Variants in CCNI observed in about 807,000 individuals in gnomAD.
CCNI encodes the protein cyclin I, also known as cyclin-I.
CCNI carries 14 observed loss-of-function variants against 34.1 expected under a neutral mutation model. The ratio of observed to expected loss-of-function variants is 0.41; its 90% CI spans 0.27 to 0.64. CCNI has a LOEUF of 0.64. CCNI is among the 30% of genes least tolerant of loss of function. CCNI has a pLI of 0.31. For missense variants in CCNI, 385 were observed against 440.5 expected (o/e 0.87, Z 1.13); for synonymous variants, 154 against 158.4 (o/e 0.97, Z 0.21).
Position 77,075,459 on chromosome 4 carries a change from C to CCCCGCT in CCNI, c.-44+12_-44+13insAGCGGG, listed in dbSNP as rs1578264149. The CCCCGCT allele has an allele frequency of 1.4e-6, 1 of 693,636 alleles. No homozygotes were observed. The highest frequency in any genetic ancestry group is 2.0e-5 in the African/African-American group (1 of 50,786). The allele number at this position is 693,636 out of a possible 1,614,324, so 43.0% of individuals were successfully genotyped here. On this transcript the variant is annotated intron_variant, in intron 1 of 6. Coordinates refer to ENST00000237654, the MANE Select transcript of CCNI (RefSeq NM_006835.3). The stretch of plus-strand genomic sequence containing the variant: ...AGACGCGTCGAGCCCCCGCCCCCGC[C>CCCCGCT]CCCGCCCCTCACCTTCTCCTCCTCT...
In CCNI at chr4:77,058,500, C is replaced by T. The variant is rs1488787436; in HGVS notation, c.243+7G>A. 1 of 1,609,194 alleles carries T rather than the reference C, an allele frequency of 6.2e-7. No individual in the cohort carries two copies. Among genetic ancestry groups the T allele is most frequent in the South Asian group, 1.1e-5 (1 of 90,658 alleles). On this transcript the variant is annotated splice_region_variant and intron_variant, in intron 3 of 6. Transcript: ENST00000237654. ...GGTTATATGTAAGTCTATCTTAAAA[C>T]ACTTACCTTTACGGTAGCTAAAAAC... is the stretch of plus-strand genomic sequence containing the variant.
chr4:77,048,116 C>G lies in CCNI; in HGVS notation c.*103G>C. On this transcript the variant is annotated 3_prime_UTR_variant, in exon 7 of 7. Transcript: ENST00000237654. ...TTTTTTCTGGCTCACTCCAAATCAG[C>G]CTGTTAAGGTATATTTCCTTCTACA... is the stretch of plus-strand genomic sequence containing the variant. 1.3e-6 allele frequency: 1 copy of G among 763,392 alleles called. No homozygotes were observed. The allele number at this position is 763,392 out of a possible 1,614,324, so 47.3% of individuals were successfully genotyped here.
At chr4:77,063,344 TAAAAAAAA>T (rs745761323) in intron 2 of CCNI, among the ~76,000 whole-genome samples, 6 of 77,266 alleles carry the variant, frequency 7.8e-5, no homozygotes, top group Non-Finnish European at 7.3e-5. Context: ...GAAAGGGAGG[TAAAAAAAA>T]AAAAAAAAAA....
intron 6 of CCNI, among the ~76,000 whole-genome samples, chr4:77,051,958 T>TG (rs1166082465): frequency 2.0e-5 from 3 of 150,756 alleles, no homozygotes; most frequent in Non-Finnish European, 3.0e-5. Flanking sequence ...TTTTTTGTTT[T>TG]TTTTTTTTTA....
chr4:77,069,450 A>G (rs1384870035), intron 1 of CCNI, among the ~76,000 whole-genome samples: 1 of 151,012 alleles, frequency 6.6e-6, no homozygotes, highest in Non-Finnish European at 1.5e-5. Context: ...TATTTTTTTT[A>G]TTATTATACT....
chr4:77,075,551 C>G lies in CCNI; in HGVS notation c.-123G>C, dbSNP rs1729871819. ...GTGGTGACGCGGGGTCATCCGGGGGCCCGTTACCACCTCATTCTCATAGGC... is the reference window on the plus strand; with the variant it reads ...GTGGTGACGCGGGGTCATCCGGGGGGCCGTTACCACCTCATTCTCATAGGC... On this transcript the variant is annotated 5_prime_UTR_variant, in exon 1 of 7. Transcript: ENST00000237654. The G allele has an allele frequency of 1.0e-6, 1 of 988,592 alleles. No homozygotes were observed. Among genetic ancestry groups the G allele is most frequent in the East Asian group, 1.1e-4 (1 of 8,822 alleles). 61.2% of individuals were successfully genotyped at this position (988,592 alleles called of 1,614,324 possible).
At position 77,049,969 on chromosome 4, in the gene CCNI, C is replaced by G. The variant is rs535199009; in HGVS notation, c.691-1307G>C. Among the ~76,000 whole-genome samples, 113 of 152,234 alleles carry G rather than the reference C, an allele frequency of 7.4e-4. 1 individual carries two copies. The highest frequency in any genetic ancestry group is 2.7e-3 in the African/African-American group (113 of 41,546). On this transcript the variant is annotated intron_variant, in intron 6 of 6. Coordinates refer to ENST00000237654, the MANE Select transcript of CCNI (RefSeq NM_006835.3). Reference sequence around the variant, plus strand: ...TCCTTCCCTGCTCTCTCCAGCGGCACCCCAATGCCTACCAGAAATAAGCTA... The same window carrying G: ...TCCTTCCCTGCTCTCTCCAGCGGCAGCCCAATGCCTACCAGAAATAAGCTA...
intron 6 of CCNI, among the ~76,000 whole-genome samples, chr4:77,049,314 A>C (rs999090468): frequency 1.3e-5 from 2 of 152,086 alleles, no homozygotes; most frequent in African/African-American, 4.8e-5. Context: ...TCCTTTCTGG[A>C]GTTACCCCTG....
At chr4:77,061,666 T>C (rs1221015925) in intron 2 of CCNI, among the ~76,000 whole-genome samples, 1 of 151,846 alleles carries the variant, frequency 6.6e-6, no homozygotes, top group African/African-American at 2.4e-5. Flanking sequence ...TTCTTTGTTG[T>C]TGTTGTTTTT....
At chr4:77,059,861 C>T (rs547534038) in intron 2 of CCNI, among the ~76,000 whole-genome samples, 19 of 152,100 alleles carry the variant, frequency 1.2e-4, no homozygotes, top group Non-Finnish European at 2.4e-4. Flanking sequence ...AATTAAATTC[C>T]TATCAAGATG....
In CCNI at chr4:77,047,193, A is replaced by G. The variant is rs7810; in HGVS notation, c.*1026T>C. 15,606 of 152,250 alleles carry G rather than the reference A, an allele frequency of 0.1. 1,013 individuals are homozygous for G. The highest frequency in any genetic ancestry group is 0.17 in the South Asian group (830 of 4,822). 9.4% of individuals were successfully genotyped at this position (152,250 alleles called of 1,614,324 possible). ...TTTATTGCTACCAGAGGCTTTTATC[A>G]TCAGTACACAGTTCTGACTGCAATA... On this transcript the variant is annotated 3_prime_UTR_variant, in exon 7 of 7. Coordinates refer to ENST00000237654, the MANE Select transcript of CCNI (RefSeq NM_006835.3).
chr4:77,051,040 G>A (rs1221255618), intron 6 of CCNI, among the ~76,000 whole-genome samples: 4 of 152,098 alleles, frequency 2.6e-5, no homozygotes, highest in Non-Finnish European at 4.4e-5. Flanking sequence ...GCATTGTCCT[G>A]TATACTTTAA....
intron 1 of CCNI, among the ~76,000 whole-genome samples, chr4:77,072,626 G>C (rs563649567): frequency 8.8e-6 from 1 of 113,414 alleles, no homozygotes; most frequent in Non-Finnish European, 1.7e-5. Context: ...AACAAAGTGA[G>C]ACCCAATCTC....
chr4:77,062,561 GA>G (rs1004220583), intron 2 of CCNI, among the ~76,000 whole-genome samples: 1,381 of 136,542 alleles, frequency 0.01, 16 homozygotes, highest in African/African-American at 0.03. Flanking sequence ...CCCTGTCTCA[GA>G]AAAAAAAAAA....
intron 2 of CCNI, among the ~76,000 whole-genome samples, chr4:77,065,653 A>G (rs1455331396): frequency 6.6e-6 from 1 of 152,246 alleles, no homozygotes; most frequent in Non-Finnish European, 1.5e-5. Context: ...TATCTAAAGA[A>G]GGTTACTACT....
At chr4:77,072,638 T>TAAAAAAAAAAAA (rs61247567) in intron 1 of CCNI, among the ~76,000 whole-genome samples, 8 of 101,382 alleles carry the variant, frequency 7.9e-5, no homozygotes, top group African/African-American at 2.0e-4. Context: ...CCCAATCTCT[T>TAAAAAAAAAAAA]AAAAAAAAAA....
Position 77,047,928 on chromosome 4 carries a change from T to A in CCNI, c.*291A>T, listed in dbSNP as rs1727537980. 3.9e-6 allele frequency: 1 copy of A among 257,976 alleles called. No homozygotes were observed. The highest frequency in any genetic ancestry group is 7.4e-6 in the Non-Finnish European group (1 of 134,348). 16.0% of individuals were successfully genotyped at this position (257,976 alleles called of 1,614,324 possible). A position where few individuals can be genotyped will look rare whatever the true frequency, so the allele number is the denominator to read the frequency against. On this transcript the variant is annotated 3_prime_UTR_variant, in exon 7 of 7. Coordinates refer to ENST00000237654, the MANE Select transcript of CCNI (RefSeq NM_006835.3). The stretch of plus-strand genomic sequence containing the variant: ...GAATTTTTGACGGGGCAAGCTACGT[T>A]ACATTATGGCAGAAAAAAAGTGCAA...
At chr4:77,053,571 TACA>T (rs1191290770) in intron 6 of CCNI, among the ~76,000 whole-genome samples, 8 of 152,222 alleles carry the variant, frequency 5.3e-5, no homozygotes, top group Non-Finnish European at 1.2e-4. Flanking sequence ...ACATGCTATT[TACA>T]ACATTATTAT....
At chr4:77,050,137 T>C (rs575621705) in intron 6 of CCNI, among the ~76,000 whole-genome samples, 2 of 152,338 alleles carry the variant, frequency 1.3e-5, no homozygotes, top group East Asian at 3.9e-4. Context: ...AATCTTCCCC[T>C]TTCTTATTTT....
Sources: allele counts gnomAD v4.1 joint callset (sites outside exome capture counted in the v4.1 genomes callset), GRCh38; gene constraint gnomAD v4.1.1; transcripts MANE v1.5; gene names NCBI Gene and HGNC (gene_info 2026-07-23, HGNC 2026-07-21).